SLC14A2: variants seen among roughly 807,000 people sequenced by gnomAD.
SLC14A2 encodes the protein solute carrier family 14 member 2.
Under a neutral mutation model 104.6 loss-of-function variants are expected in SLC14A2, and 91 were observed. That is an observed-to-expected ratio of 0.87 (90% CI 0.73 to 1.04). The LOEUF (loss-of-function observed/expected upper bound fraction) is 1.04. Among genes scored for constraint, SLC14A2 ranks in the 50% least tolerant of loss-of-function variants. SLC14A2 has a pLI of 0.00. For missense variants in SLC14A2, 1,189 were observed against 1,156.0 expected (o/e 1.03, Z -0.41); for synonymous variants, 476 against 466.4 (o/e 1.02, Z -0.27).
At chr18:45,399,953 C>T (rs772159324) in intron 1 of SLC14A2, among the ~76,000 whole-genome samples, 9 of 152,140 alleles carry the variant, frequency 5.9e-5, no homozygotes, top group Non-Finnish European at 1.2e-4. Flanking sequence ...AGGCAATGAA[C>T]TGTCTTATCA....
At chr18:45,549,660 A>G (rs749921288) in intron 2 of SLC14A2, among the ~76,000 whole-genome samples, 8 of 152,210 alleles carry the variant, frequency 5.3e-5, no homozygotes, top group Non-Finnish European at 1.0e-4. Context: ...GCCTTGGGAG[A>G]CCAAGGGACC....
At chr18:45,433,011 A>G (rs1309301327) in intron 1 of SLC14A2, among the ~76,000 whole-genome samples, 1 of 152,112 alleles carries the variant, frequency 6.6e-6, no homozygotes, top group East Asian at 1.9e-4. Flanking sequence ...GTCCTCCTCT[A>G]AATTCTCCTC....
chr18:45,351,875 T>A (rs2085507000), intron 1 of SLC14A2, among the ~76,000 whole-genome samples: 1 of 152,148 alleles, frequency 6.6e-6, no homozygotes, highest in South Asian at 2.1e-4. Context: ...ACACTTGGAT[T>A]CAAATATCAG....
intron 10 of SLC14A2, among the ~76,000 whole-genome samples, chr18:45,659,455 G>C (rs1174771834): frequency 6.6e-6 from 1 of 152,168 alleles, no homozygotes; most frequent in Admixed American, 6.5e-5. Flanking sequence ...AATATCTTAG[G>C]AACCAAAATA....
At chr18:45,627,804 G>A (rs760908079) in intron 4 of SLC14A2, among the ~76,000 whole-genome samples, 1 of 152,102 alleles carries the variant, frequency 6.6e-6, no homozygotes, top group Non-Finnish European at 1.5e-5. Flanking sequence ...GAGGCCAGGA[G>A]TTTGAAGCCA....
At chr18:45,410,952 C>G (rs2086208594) in intron 1 of SLC14A2, among the ~76,000 whole-genome samples, 2 of 152,178 alleles carry the variant, frequency 1.3e-5, no homozygotes, top group South Asian at 2.1e-4. Context: ...CATCCAGGAC[C>G]ATAAACTTCT....
At chr18:45,639,094 C>A (rs767684894) in intron 6 of SLC14A2, among the ~76,000 whole-genome samples, 2 of 152,244 alleles carry the variant, frequency 1.3e-5, no homozygotes, top group Non-Finnish European at 2.9e-5. Context: ...CCACATACTA[C>A]CTTTCTACAA....
intron 10 of SLC14A2, among the ~76,000 whole-genome samples, chr18:45,653,204 C>T (rs1021927048): frequency 2.7e-5 from 4 of 149,764 alleles, no homozygotes; most frequent in African/African-American, 4.9e-5. Flanking sequence ...TGCAGGCGAC[C>T]GACCTCCCCT....
intron 1 of SLC14A2, among the ~76,000 whole-genome samples, chr18:45,466,091 G>A (rs1303080380): frequency 1.3e-5 from 2 of 152,000 alleles, no homozygotes; most frequent in African/African-American, 4.8e-5. Context: ...GAGAAAGTGA[G>A]GATTATTATC....
intron 2 of SLC14A2, among the ~76,000 whole-genome samples, chr18:45,559,946 T>C (rs1398244406): frequency 6.6e-6 from 1 of 152,174 alleles, no homozygotes; most frequent in African/African-American, 2.4e-5. Flanking sequence ...CTTCAGGAGA[T>C]AAGGGATCAC....
intron 1 of SLC14A2, among the ~76,000 whole-genome samples, chr18:45,421,152 T>A (rs567258691): frequency 1.3e-3 from 192 of 152,298 alleles, no homozygotes; most frequent in Non-Finnish European, 1.9e-3. Flanking sequence ...TTAAAGTGAA[T>A]CAAGAACCTA....
At chr18:45,324,765 G>A (rs534071925) in intron 1 of SLC14A2, among the ~76,000 whole-genome samples, 2 of 149,260 alleles carry the variant, frequency 1.3e-5, no homozygotes, top group South Asian at 4.2e-4. Context: ...CCCCACCCCC[G>A]CACACACACA....
intron 1 of SLC14A2, among the ~76,000 whole-genome samples, chr18:45,334,808 T>A (rs954354848): frequency 3.3e-5 from 5 of 152,110 alleles, no homozygotes; most frequent in Non-Finnish European, 7.4e-5. Context: ...TGATTGGCAT[T>A]CATCTTTTCT....
intron 1 of SLC14A2, among the ~76,000 whole-genome samples, chr18:45,289,785 G>A (rs1265223203): frequency 6.6e-6 from 1 of 152,122 alleles, no homozygotes; most frequent in African/African-American, 2.4e-5. Flanking sequence ...TATAAGAAGT[G>A]CCAATGTGTC....
At chr18:45,441,730 C>G (rs1482927899) in intron 1 of SLC14A2, among the ~76,000 whole-genome samples, 1 of 152,218 alleles carries the variant, frequency 6.6e-6, no homozygotes, top group Non-Finnish European at 1.5e-5. Context: ...TAGGTTTAAT[C>G]TTGGCTTTCC....
chr18:45,397,072 G>C (rs978393611), intron 1 of SLC14A2, among the ~76,000 whole-genome samples: 2 of 152,110 alleles, frequency 1.3e-5, no homozygotes, highest in African/African-American at 2.4e-5. Context: ...GTCATTGACG[G>C]GCATTTAGGT....
At chr18:45,536,160 G>A (rs962250548) in intron 2 of SLC14A2, among the ~76,000 whole-genome samples, 1 of 152,232 alleles carries the variant, frequency 6.6e-6, no homozygotes, top group Non-Finnish European at 1.5e-5. Context: ...AGTCTGGAGA[G>A]CATGGTGGTT....
intron 1 of SLC14A2, among the ~76,000 whole-genome samples, chr18:45,232,144 C>G (rs973741561): frequency 6.6e-6 from 1 of 152,020 alleles, no homozygotes. Context: ...CTACCCGAGA[C>G]TGGGCCATTT....
At chr18:45,629,650 C>T (rs2045314597) in intron 4 of SLC14A2, among the ~76,000 whole-genome samples, 1 of 152,156 alleles carries the variant, frequency 6.6e-6, no homozygotes, top group South Asian at 2.1e-4. Context: ...CCTGCGCTGA[C>T]ACTCTGATTC....
Sources: allele counts gnomAD v4.1 joint callset (sites outside exome capture counted in the v4.1 genomes callset), GRCh38; gene constraint gnomAD v4.1.1; transcripts MANE v1.5; gene names NCBI Gene and HGNC (gene_info 2026-07-23, HGNC 2026-07-21).